The following ZNF678 variants were observed in gnomAD, a reference collection of about 807,000 sequenced individuals.
The protein encoded by ZNF678 is hypothetical protein MGC42493.
ZNF678 carries 5 observed loss-of-function variants against 3.0 expected under a neutral mutation model. The observed-to-expected ratio is 1.69, with a 90% confidence interval of 0.88 to 3.56. The LOEUF is 3.56. ZNF678 is among the 30% of genes most tolerant of loss of function. The pLI is 0.00. For synonymous variants in ZNF678, 218 were observed against 199.6 expected, an observed-to-expected ratio of 1.09 and a Z score of -0.78; for missense variants, 593 against 605.0, an observed-to-expected ratio of 0.98 and a Z score of 0.21.
chr1:227,615,445 A>C (rs1658119730), intron 1 of ZNF678, among the ~76,000 whole-genome samples: 1 of 152,122 alleles, frequency 6.6e-6, no homozygotes. Flanking sequence ...CTCCAAAATC[A>C]AGCTTTTGTA....
At chr1:227,585,201 C>T (rs1304724010) in intron 1 of ZNF678, among the ~76,000 whole-genome samples, 1 of 152,152 alleles carries the variant, frequency 6.6e-6, no homozygotes, top group African/African-American at 2.4e-5. Context: ...CGTTTTCTGT[C>T]TAGATCTGTT....
chr1:227,579,610 G>T (rs551032771), intron 1 of ZNF678, among the ~76,000 whole-genome samples: 1 of 152,258 alleles, frequency 6.6e-6, no homozygotes, highest in South Asian at 2.1e-4. Flanking sequence ...GAACAGACAG[G>T]CTTGTGCATG....
At chr1:227,671,874 A>G (rs1024584858) in intron 5 of ZNF678, among the ~76,000 whole-genome samples, 4 of 152,234 alleles carry the variant, frequency 2.6e-5, no homozygotes, top group African/African-American at 9.6e-5. Context: ...ATTAAAAAGC[A>G]TATCCTTTTT....
At chr1:227,610,761 C>T (rs11579074) in intron 1 of ZNF678, among the ~76,000 whole-genome samples, 1 of 152,184 alleles carries the variant, frequency 6.6e-6, no homozygotes, top group African/African-American at 2.4e-5. Flanking sequence ...TCCAACCCCC[C>T]TAAGGTGATC....
intron 1 of ZNF678, among the ~76,000 whole-genome samples, chr1:227,578,728 A>G (rs1036951384): frequency 1.3e-5 from 2 of 152,098 alleles, no homozygotes; most frequent in African/African-American, 4.8e-5. Context: ...CATATTCTGA[A>G]TCCTATTTCT....
intron 1 of ZNF678, among the ~76,000 whole-genome samples, chr1:227,591,403 G>C (rs1571870400): frequency 6.6e-6 from 1 of 152,186 alleles, no homozygotes; most frequent in East Asian, 1.9e-4. Flanking sequence ...AATGACACAA[G>C]ACCAGTATCT....
chr1:227,591,231 T>C (rs1255843998), intron 1 of ZNF678, among the ~76,000 whole-genome samples: 1 of 149,398 alleles, frequency 6.7e-6, no homozygotes, highest in Non-Finnish European at 1.5e-5. Context: ...CCAGTCCAGC[T>C]CTATCAATTT....
At position 227,587,226 on chromosome 1, in the gene ZNF678, T is replaced by G. The variant is rs1013950116; in HGVS notation, c.-164+23502T>G. Among the ~76,000 whole-genome samples, 21 of 151,422 alleles carry G rather than the reference T, an allele frequency of 1.4e-4. 1 individual carries two copies. The highest frequency in any genetic ancestry group is 2.6e-4 in the Admixed American group (4 of 15,164). ...GCATAGGCCATCTTTATCCCATGCT[T>G]CTTTGGCTAGAGAGAGCATGTTAGA... On this transcript the variant is annotated intron_variant, in intron 1 of 3. Transcript: ENST00000343776.
intron 1 of ZNF678, 146 bp downstream of exon 1, chr1:227,563,870 T>G: frequency 1.4e-6 from 1 of 693,178 alleles, no homozygotes; most frequent in Admixed American, 2.7e-5. Context: ...GGGATTCTCC[T>G]CCCATCACTG....
intron 1 of ZNF678, chr1:227,598,290 C>T: frequency 3.4e-6 from 3 of 885,124 alleles, no homozygotes; most frequent in Non-Finnish European, 4.5e-6. Flanking sequence ...ATCTGAGTGG[C>T]TACTGAATAG....
At chr1:227,634,027 T>C (rs1380503164) in intron 1 of ZNF678, among the ~76,000 whole-genome samples, 1 of 152,114 alleles carries the variant, frequency 6.6e-6, no homozygotes, top group Non-Finnish European at 1.5e-5. Context: ...CATTTTTGTA[T>C]ACCAGCTCAG....
chr1:227,581,523 G>A (rs547789569), intron 1 of ZNF678, among the ~76,000 whole-genome samples: 116 of 152,160 alleles, frequency 7.6e-4, no homozygotes, highest in African/African-American at 2.7e-3. Flanking sequence ...GAACTTTATG[G>A]TCATAAAATG....
intron 1 of ZNF678, 109 bp downstream of exon 1, chr1:227,563,833 T>C (rs1039665868): frequency 1.4e-5 from 15 of 1,085,140 alleles, no homozygotes; most frequent in Non-Finnish European, 1.9e-5. Context: ...CTGTCACCTC[T>C]GGGTAGGGGC....
intron 1 of ZNF678, among the ~76,000 whole-genome samples, chr1:227,606,525 C>T (rs868404571): frequency 1.3e-5 from 2 of 152,122 alleles, no homozygotes; most frequent in African/African-American, 2.4e-5. Flanking sequence ...AGGGACATGC[C>T]GGAATCAGAG....
chr1:227,652,042 T>G (rs902191707), intron 3 of ZNF678, among the ~76,000 whole-genome samples: 7 of 152,204 alleles, frequency 4.6e-5, no homozygotes, highest in African/African-American at 1.7e-4. Flanking sequence ...GTGGAATTTT[T>G]TAATAAACAT....
intron 1 of ZNF678, among the ~76,000 whole-genome samples, chr1:227,610,741 G>A (rs919233399): frequency 1.3e-5 from 2 of 152,076 alleles, no homozygotes; most frequent in African/African-American, 2.4e-5. Context: ...ACAAGAAACC[G>A]GTACAGCTTT....
At chr1:227,633,496 C>T (rs1658602720) in intron 1 of ZNF678, among the ~76,000 whole-genome samples, 1 of 152,204 alleles carries the variant, frequency 6.6e-6, no homozygotes, top group Non-Finnish European at 1.5e-5. Flanking sequence ...GGTGCAGTCA[C>T]CTTCTCCAGG....
intron 1 of ZNF678, among the ~76,000 whole-genome samples, chr1:227,626,598 C>T (rs1313554377): frequency 1.3e-5 from 2 of 152,050 alleles, no homozygotes; most frequent in African/African-American, 4.8e-5. Context: ...TAGGAAGGGC[C>T]GTCCATACAG....
chr1:227,657,015 T>TA lies in ZNF678; in HGVS notation c.*1188dup, dbSNP rs1659267507. ...TCAAACAACTTGGGGAGGTTTTTTT[T>TA]ATGTGATATGCTTTGGTTTTTTTGT... On this transcript the variant is annotated 3_prime_UTR_variant, in exon 4 of 4. Transcript: ENST00000343776. 1 of 151,898 alleles carries TA rather than the reference T, an allele frequency of 6.6e-6. No individual in the cohort carries two copies. The highest frequency in any genetic ancestry group is 1.5e-5 in the Non-Finnish European group (1 of 67,882). The allele number at this position is 151,898 out of a possible 1,614,324, so 9.4% of individuals were successfully genotyped here.
Sources: gnomAD v4.1 joint callset for allele counts (sites outside exome capture counted in the v4.1 genomes callset) on GRCh38, gnomAD v4.1.1 for gene constraint, MANE v1.5 for transcripts, NCBI Gene and HGNC (gene_info 2026-07-23, HGNC 2026-07-21) for gene names.